Variants in ACOT1 observed in about 807,000 individuals in gnomAD.
ACOT1 encodes the protein acyl-CoA thioesterase 1, also known as acyl-coenzyme A thioesterase 1.
ACOT1 carries 8 observed loss-of-function variants against 15.7 expected under a neutral mutation model. That is an observed-to-expected ratio of 0.51 (90% confidence interval 0.30 to 0.92). The LOEUF is 0.92. Among genes scored for constraint, ACOT1 ranks in the 40% least tolerant of loss-of-function variants. The probability of loss-of-function intolerance (pLI) is 0.06; values close to 1 mark genes in which losing one functional copy is unlikely to be tolerated. For synonymous variants in ACOT1, 67 were observed against 241.2 expected (o/e 0.28, Z 6.69); for missense variants, 151 against 539.4 (o/e 0.28, Z 7.13).
At chr14:73,493,125 C>T in the ACOT1 span, 1 of 1,611,872 alleles carries the variant, frequency 6.2e-7, no homozygotes, top group Non-Finnish European at 8.5e-7. Flanking sequence ...ACCATCTCAT[C>T]TAGGTACAAA....
the ACOT1 span, chr14:73,513,940 G>T: frequency 7.7e-7 from 1 of 1,295,308 alleles, no homozygotes; most frequent in South Asian, 1.2e-5. Flanking sequence ...CACAAAGGAG[G>T]GATGGATTTT....
At chr14:73,524,248 A>T in the ACOT1 span, among the ~76,000 whole-genome samples, 2 of 143,904 alleles carry the variant, frequency 1.4e-5, no homozygotes, top group African/African-American at 2.6e-5. Context: ...AGCCAAGATC[A>T]TGCCATTGCA....
At chr14:73,522,877 G>T in the ACOT1 span, 3 of 1,614,172 alleles carry the variant, frequency 1.9e-6, no homozygotes, top group Non-Finnish European at 2.5e-6. Context: ...GGTGGTCAAA[G>T]CTGTACTGGC....
At chr14:73,508,432 T>C in the ACOT1 span, 2 of 710,214 alleles carry the variant, frequency 2.8e-6, no homozygotes, top group South Asian at 3.6e-5. Context: ...AGAAATACAA[T>C]TTCTTATTTA....
the ACOT1 span, chr14:73,509,176 A>C: frequency 1.0e-5 from 9 of 878,588 alleles, no homozygotes; most frequent in Non-Finnish European, 1.6e-5. Flanking sequence ...CCTAATTTTC[A>C]AATGGTCTAA....
chr14:73,511,590 C>G, the ACOT1 span, among the ~76,000 whole-genome samples: 3 of 149,950 alleles, frequency 2.0e-5, no homozygotes, highest in Admixed American at 1.3e-4. Context: ...AGAATGGGCT[C>G]TTGGCTGGGC....
the ACOT1 span, chr14:73,493,160 A>G: frequency 1.9e-6 from 3 of 1,562,854 alleles, no homozygotes; most frequent in African/African-American, 1.4e-5. Context: ...TTGGAGGTGG[A>G]AAAAAAACCC....
chr14:73,520,796 C>T, the ACOT1 span: 1 of 1,494,570 alleles, frequency 6.7e-7, no homozygotes, highest in Non-Finnish European at 9.2e-7. Context: ...AGCAATCTTC[C>T]ACCTTCCTGG....
At chr14:73,493,315 C>T in the ACOT1 span, 583 of 564,968 alleles carry the variant, frequency 1.0e-3, 3 homozygotes, top group African/African-American at 0.01. Flanking sequence ...TTTTCATGGG[C>T]GGGTCGGGGT....
upstream of ACOT1, chr14:73,537,100 C>A: frequency 4.3e-6 from 1 of 234,524 alleles, no homozygotes; most frequent in Non-Finnish European, 7.5e-6. Flanking sequence ...TCTCCTGCCT[C>A]AGCCTCCCGA....
chr14:73,512,144 C>A, the ACOT1 span: 1 of 1,614,114 alleles, frequency 6.2e-7, no homozygotes, highest in Non-Finnish European at 8.5e-7. Context: ...TGGTGCCACT[C>A]TATGACTGAG....
chr14:73,543,274 C>A lies in ACOT1; in HGVS notation c.885C>A (p.Val295=), dbSNP rs762440426. The A allele has an allele frequency of 5.7e-6, 9 of 1,586,950 alleles. No individual in the cohort carries two copies. Among genetic ancestry groups the A allele is most frequent in the Non-Finnish European group, 7.7e-6 (9 of 1,165,626 alleles). Residue 295 remains valine (V), a synonymous_variant, in exon 3 of 3, where the codon GTC becomes GTA. Transcript: ENST00000311148. Reference sequence around the variant, plus strand: ...ATGGCTATGCAGACATTGTGGATGTCCTGAACAGCCCTTTGGAAGGACCTG... The same window carrying A: ...ATGGCTATGCAGACATTGTGGATGTACTGAACAGCCCTTTGGAAGGACCTG... The part of the protein sequence containing the change: ...TKDGYADIVD[V]LNSPLEGPDQ...
chr14:73,509,844 ATATATATATATATATATATATATATT>A, the ACOT1 span, among the ~76,000 whole-genome samples: 1,405 of 70,694 alleles, frequency 0.02, 138 homozygotes, highest in African/African-American at 0.063. Context: ...ATATATATAT[ATATATATATATATATATATATATATT>A]TATTTATTTT....
the ACOT1 span, among the ~76,000 whole-genome samples, chr14:73,528,392 C>CAAAAAAAAAAAAAAAAAAAAAAA: frequency 1.1e-5 from 1 of 88,518 alleles, no homozygotes; most frequent in Non-Finnish European, 2.0e-5. Flanking sequence ...AACTTCATCT[C>CAAAAAAAAAAAAAAAAAAAAAAA]AAAAAAAAAA....
At chr14:73,512,061 TGTG>T in the ACOT1 span, 11 of 1,613,922 alleles carry the variant, frequency 6.8e-6, no homozygotes, top group African/African-American at 1.1e-4. Flanking sequence ...CTGTGGCACA[TGTG>T]GTGATAGCTT....
chr14:73,522,014 T>G, the ACOT1 span, among the ~76,000 whole-genome samples: 4 of 152,362 alleles, frequency 2.6e-5, no homozygotes, highest in Non-Finnish European at 5.9e-5. Context: ...TGTGCTCTGG[T>G]GGGTATGAGC....
chr14:73,521,945 T>C, the ACOT1 span, among the ~76,000 whole-genome samples: 1 of 152,340 alleles, frequency 6.6e-6, no homozygotes, highest in Non-Finnish European at 1.5e-5. Flanking sequence ...AATGACTTTG[T>C]TCCTCTTGGA....
chr14:73,518,909 A>AATGGTTC, the ACOT1 span: 1 of 999,390 alleles, frequency 1.0e-6, no homozygotes, highest in South Asian at 1.7e-5. Context: ...CCTAGATGCT[A>AATGGTTC]ATGGTGCTTC....
At chr14:73,491,312 C>T in the ACOT1 span, 2 of 1,517,442 alleles carry the variant, frequency 1.3e-6, no homozygotes, top group Non-Finnish European at 1.8e-6. Context: ...GCCATACGGC[C>T]ACCTGGGGCC....
Sources: allele counts gnomAD v4.1 joint callset (sites outside exome capture counted in the v4.1 genomes callset), GRCh38; gene constraint gnomAD v4.1.1; transcripts MANE v1.5; gene names NCBI Gene and HGNC (gene_info 2026-07-23, HGNC 2026-07-21).